SLC25A26: variants seen among roughly 807,000 people sequenced by gnomAD.
The protein encoded by SLC25A26 is solute carrier family 25 member 26, also known as mitochondrial S-adenosylmethionine carrier protein.
In SLC25A26, 36 loss-of-function variants were observed where a neutral mutation model predicts 37.8. The observed-to-expected ratio is 0.95, with a 90% CI of 0.73 to 1.26. SLC25A26 has a LOEUF of 1.26. Among genes scored for constraint, SLC25A26 ranks in the 50% most tolerant of loss-of-function variants. The pLI, the probability that SLC25A26 is intolerant of heterozygous loss-of-function variation, is 0.00. For missense variants in SLC25A26, 390 were observed against 331.1 expected, an observed-to-expected ratio of 1.18 and a Z score of -1.38; for synonymous variants, 129 against 122.5, an observed-to-expected ratio of 1.05 and a Z score of -0.35.
chr3:66,135,101 G>A (rs2069927814), intron 1 of SLC25A26, among the ~76,000 whole-genome samples: 2 of 152,136 alleles, frequency 1.3e-5, no homozygotes, highest in African/African-American at 4.8e-5. Flanking sequence ...AAAGAGCTGG[G>A]ATTACAGGAG....
Position 66,257,789 on chromosome 3 carries a change from C to T in SLC25A26, c.301-4262C>T, listed in dbSNP as rs185177655. On this transcript the variant is annotated intron_variant, in intron 3 of 9. Transcript: ENST00000354883. ...CTAACACCTAGCCATCTTCACACGA[C>T]GGTAGTGTACACTTGCTCATCTCCC... Among the ~76,000 whole-genome samples the T allele has an allele frequency of 1.7e-4, 26 of 152,260 alleles. No individual in the cohort carries two copies. The East Asian group carries it at 1.9e-3, about 11-fold the overall frequency.
chr3:66,373,772 G>A (rs1335476559), intron 9 of SLC25A26, among the ~76,000 whole-genome samples: 2 of 151,450 alleles, frequency 1.3e-5, no homozygotes, highest in Non-Finnish European at 2.9e-5. Context: ...TTTATGTGCA[G>A]TATTGTAATG....
At chr3:66,193,176 G>A (rs2070978584) in intron 1 of SLC25A26, among the ~76,000 whole-genome samples, 1 of 151,978 alleles carries the variant, frequency 6.6e-6, no homozygotes, top group East Asian at 1.9e-4. Context: ...TAAAGCTATA[G>A]TTTAAAACTT....
At chr3:66,210,148 T>G (rs1022617544) in intron 1 of SLC25A26, among the ~76,000 whole-genome samples, 84,133 of 149,166 alleles carry the variant, frequency 0.56, 26,517 homozygotes, top group Middle Eastern at 0.83. Context: ...ATTCCAGCAA[T>G]TGAGCCTATA....
At chr3:66,270,505 A>G (rs1352705628) in intron 5 of SLC25A26, among the ~76,000 whole-genome samples, 1 of 152,174 alleles carries the variant, frequency 6.6e-6, no homozygotes, top group East Asian at 1.9e-4. Flanking sequence ...GAAGTTGTCC[A>G]TTGTTTTATT....
At chr3:66,318,936 C>T (rs112606696) in intron 5 of SLC25A26, among the ~76,000 whole-genome samples, 18 of 152,264 alleles carry the variant, frequency 1.2e-4, no homozygotes, top group Non-Finnish European at 2.2e-4. Context: ...AGACACGAAC[C>T]ACCACACCCA....
At chr3:66,345,195 C>T (rs1224019663) in intron 5 of SLC25A26, among the ~76,000 whole-genome samples, 7 of 152,140 alleles carry the variant, frequency 4.6e-5, no homozygotes, top group South Asian at 2.1e-4. Flanking sequence ...GTGCCTGGGA[C>T]GTGATCAGTG....
At chr3:66,302,782 A>C (rs988825896) in intron 5 of SLC25A26, among the ~76,000 whole-genome samples, 11 of 152,220 alleles carry the variant, frequency 7.2e-5, no homozygotes, top group African/African-American at 2.7e-4. Flanking sequence ...TTTAAGTTCA[A>C]ACCAAAGAAC....
intron 5 of SLC25A26, among the ~76,000 whole-genome samples, chr3:66,342,321 A>G (rs553779747): frequency 2.6e-5 from 4 of 152,216 alleles, no homozygotes; most frequent in African/African-American, 9.6e-5. Context: ...AGCTTTTTAG[A>G]TGGCCTTTCT....
chr3:66,357,704 G>A (rs1353624622), intron 6 of SLC25A26, among the ~76,000 whole-genome samples: 10 of 151,162 alleles, frequency 6.6e-5, no homozygotes, highest in African/African-American at 9.8e-5. Context: ...GAAAATTTTC[G>A]GCAGATTCTT....
intron 1 of SLC25A26, among the ~76,000 whole-genome samples, chr3:66,229,326 C>G (rs1404931055): frequency 6.6e-6 from 1 of 152,134 alleles, no homozygotes; most frequent in African/African-American, 2.4e-5. Flanking sequence ...AGGTTAGTTT[C>G]CCTAAGAAGA....
At chr3:66,226,439 G>T (rs992674127) in intron 1 of SLC25A26, among the ~76,000 whole-genome samples, 4 of 152,060 alleles carry the variant, frequency 2.6e-5, no homozygotes, top group African/African-American at 9.7e-5. Context: ...GATGAGATTT[G>T]GTTGGGGACC....
chr3:66,229,801 A>G (rs1379790754), intron 1 of SLC25A26, among the ~76,000 whole-genome samples: 1 of 152,230 alleles, frequency 6.6e-6, no homozygotes, highest in South Asian at 2.1e-4. Flanking sequence ...TCCTGGAGAA[A>G]TGGAAGAATA....
chr3:66,147,215 G>A (rs187447628), intron 1 of SLC25A26, among the ~76,000 whole-genome samples: 5 of 150,254 alleles, frequency 3.3e-5, no homozygotes, highest in Admixed American at 1.3e-4. Flanking sequence ...CCAGGCTAGA[G>A]TACAGTGGCA....
chr3:66,180,551 A>G (rs2070683123), intron 1 of SLC25A26, among the ~76,000 whole-genome samples: 1 of 152,190 alleles, frequency 6.6e-6, no homozygotes, highest in South Asian at 2.1e-4. Flanking sequence ...GAACAGAAAC[A>G]TGTTCAATGT....
intron 5 of SLC25A26, among the ~76,000 whole-genome samples, chr3:66,301,790 CG>C (rs1481380805): frequency 6.6e-6 from 1 of 152,086 alleles, no homozygotes; most frequent in Non-Finnish European, 1.5e-5. Context: ...AGAATTGTGA[CG>C]GGGGTAATTA....
At chr3:66,292,045 G>A (rs1084533) in intron 5 of SLC25A26, among the ~76,000 whole-genome samples, 102,177 of 152,050 alleles carry the variant, frequency 0.67, 35,315 homozygotes, top group African/African-American at 0.84. Context: ...TCCCTTTACC[G>A]CTACATAATG....
Position 66,209,894 on chromosome 3 carries a change from CTATTTA to C in SLC25A26, c.-353-10844_-353-10839del, listed in dbSNP as rs1441120750. 2.3e-4 allele frequency among the ~76,000 whole-genome samples: 3 copies of C among 13,192 alleles called. 1 individual carries two copies. The highest frequency in any genetic ancestry group is 6.0e-4 in the African/African-American group (3 of 5,036). The allele number at this position is 13,192 out of a possible 152,430, so 8.7% of individuals were successfully genotyped here. A position where few individuals can be genotyped will look rare whatever the true frequency, so the allele number is the denominator to read the frequency against. On this transcript the variant is annotated intron_variant, in intron 1 of 10. Transcript: ENST00000676754. Reference sequence around the variant, plus strand: ...TATATATACTCCTCTCTCTCTCTCTCTATTTATATATATATATATATATATATATAT... The same window carrying C: ...TATATATACTCCTCTCTCTCTCTCTCTATATATATATATATATATATATAT...
At chr3:66,357,454 T>C (rs1034818798) in intron 6 of SLC25A26, among the ~76,000 whole-genome samples, 4 of 152,174 alleles carry the variant, frequency 2.6e-5, no homozygotes, top group African/African-American at 7.2e-5. Flanking sequence ...AAATGGGACA[T>C]TGAATTGGGA....
Sources: gnomAD v4.1 joint callset for allele counts (sites outside exome capture counted in the v4.1 genomes callset) on GRCh38, gnomAD v4.1.1 for gene constraint, MANE v1.5 for transcripts, NCBI Gene and HGNC (gene_info 2026-07-23, HGNC 2026-07-21) for gene names.